OR5D13: variants seen among roughly 807,000 people sequenced by gnomAD.
The protein encoded by OR5D13 is olfactory receptor 5D13.
For missense variants in OR5D13, 470 were observed against 372.1 expected (o/e 1.26, Z -2.16); for synonymous variants, 192 against 134.3 (o/e 1.43, Z -2.97).
rs762039488 is a variant in OR5D13 at position 55,773,879 on chromosome 11, G to T, written c.442G>T (p.Ala148Ser). The stretch of plus-strand genomic sequence containing the variant: ...TCAGAAGCTCTGTGCTCTTCTGGTG[G>T]CTGGGTCCTATACATGGGGGATAGT... ...MSQKLCALLV[A>S]GSYTWGIVCS... The change falls in exon 1 of 1, where the codon GCT becomes TCT. Residue 148 changes from alanine to serine, a missense_variant. By Grantham distance (99) the Ala-to-Ser change is moderately conservative (BLOSUM62 1). Coordinates refer to ENST00000623930, the MANE Select transcript of OR5D13 (RefSeq NM_001001967.1). The T allele has an allele frequency of 5.0e-6, 8 of 1,613,724 alleles. No individual in the cohort carries two copies. Among genetic ancestry groups the T allele is most frequent in the South Asian group, 2.2e-5 (2 of 91,074 alleles).
rs775106926 is a variant in OR5D13 at position 55,774,026 on chromosome 11, A to G, written c.589A>G (p.Ser197Gly). Residue 197 changes from serine to glycine, a missense_variant, in exon 1 of 1, where the codon AGC becomes GGC. Coordinates refer to ENST00000623930, the MANE Select transcript of OR5D13 (RefSeq NM_001001967.1). ...TGCCTCCTACTCAGACCCCTATATC[A>G]GCCAGAGGCTATGCTTTATTATTGC... Reference protein sequence around the residue: ...VSASYSDPYISQRLCFIIAIF... With the variant: ...VSASYSDPYIGQRLCFIIAIF... 2 of 1,613,504 alleles carry G rather than the reference A, an allele frequency of 1.2e-6. No individual in the cohort carries two copies. The highest frequency in any genetic ancestry group is 2.2e-5 in the South Asian group (2 of 91,080).
At position 55,773,664 on chromosome 11, in the gene OR5D13, C is replaced by T. The variant is rs867480738; in HGVS notation, c.227C>T (p.Ser76Phe). The change falls in exon 1 of 1, where the codon TCC becomes TTC. Residue 76 changes from serine (S) to phenylalanine (F), a missense_variant. Transcript: ENST00000623930. ...SHLSLTDFCF[S>F]TVVTPKLLEN... ...TTGTCCTTGACAGACTTCTGTTTTT[C>T]CACTGTAGTTACACCTAAACTGTTG... The T allele has an allele frequency of 6.2e-7, 1 of 1,613,176 alleles. No individual in the cohort carries two copies. Among genetic ancestry groups the T allele is most frequent in the South Asian group, 1.1e-5 (1 of 91,052 alleles).
chr11:55,773,690 G>C lies in OR5D13; in HGVS notation c.253G>C (p.Glu85Gln), dbSNP rs1290933126. Residue 85 changes from glutamate to glutamine, a missense_variant, in exon 1 of 1, where the codon GAG becomes CAG. By Grantham distance (29) the Glu-to-Gln change is conservative. Transcript: ENST00000623930. ...CACTGTAGTTACACCTAAACTGTTG[G>C]AGAACTTGGTTGTGGAATACAGAAC... ...FSTVVTPKLL[E>Q]NLVVEYRTIS... 1 of 1,613,796 alleles carries C rather than the reference G, an allele frequency of 6.2e-7. No homozygotes were observed. Among genetic ancestry groups the C allele is most frequent in the African/African-American group, 1.3e-5 (1 of 74,874 alleles).
rs1455286933 is a variant in OR5D13 at position 55,774,243 on chromosome 11, C to T, written c.806C>T (p.Ser269Phe). The T allele has an allele frequency of 1.2e-6, 2 of 1,613,816 alleles. No individual in the cohort carries two copies. The highest frequency in any genetic ancestry group is 1.7e-6 in the Non-Finnish European group (2 of 1,179,928). The change falls in exon 1 of 1, where the codon TCT (serine) becomes TTT (phenylalanine). Residue 269 changes from serine (S) to phenylalanine (F), a missense_variant. Physicochemically the swap from Ser to Phe is radical, Grantham distance 155. Coordinates refer to ENST00000623930, the MANE Select transcript of OR5D13 (RefSeq NM_001001967.1). ...FLYCVPNPKT[S>F]SLIVTVASVF... ...TACTGTGTTCCTAATCCTAAAACTT[C>T]TAGCCTCATAGTTACAGTGGCTTCT...
chr11:55,773,624 T>C lies in OR5D13; in HGVS notation c.187T>C (p.Phe63Leu). 1 of 1,613,228 alleles carries C rather than the reference T, an allele frequency of 6.2e-7. No individual in the cohort carries two copies. ...TTCAAAACTCCATACAATCATGTGCTTTTTCCTTAGTCACTTGTCCTTGAC... is the reference window on the plus strand; with the variant it reads ...TTCAAAACTCCATACAATCATGTGCCTTTTCCTTAGTCACTTGTCCTTGAC... The part of the protein sequence containing the change: ...LNSKLHTIMC[F>L]FLSHLSLTDF... The change falls in exon 1 of 1, where the codon TTT (phenylalanine) becomes CTT (leucine). Residue 63 changes from phenylalanine to leucine, a missense_variant. Phe to Leu is a conservative substitution (Grantham distance 22). Coordinates refer to ENST00000623930, the MANE Select transcript of OR5D13 (RefSeq NM_001001967.1).
chr11:55,773,957 A>G lies in OR5D13; in HGVS notation c.520A>G (p.Thr174Ala), dbSNP rs1490003612. The change falls in exon 1 of 1, where the codon ACC becomes GCC. Residue 174 changes from threonine (T) to alanine (A), a missense_variant. Transcript: ENST00000623930. ...TCTTGACTTATCGTTTTGTGAATCT[A>G]CCTTCATAAATAATTTTATCTGTGA... ...FLLDLSFCES[T>A]FINNFICDHS... The G allele has an allele frequency of 1.2e-6, 2 of 1,613,496 alleles. No individual in the cohort carries two copies. The highest frequency in any genetic ancestry group is 2.2e-5 in the East Asian group (1 of 44,856).
At position 55,773,865 on chromosome 11, in the gene OR5D13, G is replaced by C; in HGVS notation, c.428G>C (p.Cys143Ser). 6.2e-7 allele frequency: 1 copy of C among 1,613,846 alleles called. No homozygotes were observed. Among genetic ancestry groups the C allele is most frequent in the South Asian group, 1.1e-5 (1 of 91,080 alleles). ...ACCACTATTATGTCTCAGAAGCTCT[G>C]TGCTCTTCTGGTGGCTGGGTCCTAT... The part of the protein sequence containing the change: ...LYTTIMSQKL[C>S]ALLVAGSYTW... The change falls in exon 1 of 1, where the codon TGT becomes TCT. Residue 143 changes from cysteine to serine, a missense_variant. Physicochemically the swap from Cys to Ser is moderately radical, Grantham distance 112. Transcript: ENST00000623930.
Position 55,774,226 on chromosome 11 carries a change from T to C in OR5D13, c.789T>C (p.Val263=), listed in dbSNP as rs1292335821. Residue 263 remains valine (V), a synonymous_variant, in exon 1 of 1, where the codon GTT becomes GTC. Coordinates refer to ENST00000623930, the MANE Select transcript of OR5D13 (RefSeq NM_001001967.1). ...FHGTILFLYC[V]PNPKTSSLIV... Reference sequence around the variant, plus strand: ...GAACTATCCTTTTCCTTTACTGTGTTCCTAATCCTAAAACTTCTAGCCTCA... The same window carrying C: ...GAACTATCCTTTTCCTTTACTGTGTCCCTAATCCTAAAACTTCTAGCCTCA... 2.5e-6 allele frequency: 4 copies of C among 1,613,776 alleles called. No homozygotes were observed. The highest frequency in any genetic ancestry group is 3.4e-6 in the Non-Finnish European group (4 of 1,179,984).
rs192984177 is a variant in OR5D13 at position 55,774,142 on chromosome 11, G to A, written c.705G>A (p.Gly235=). The A allele has an allele frequency of 5.6e-6, 9 of 1,613,608 alleles. No individual in the cohort carries two copies. The highest frequency in any genetic ancestry group is 7.6e-6 in the Non-Finnish European group (9 of 1,179,898). Residue 235 remains glycine, a synonymous_variant, in exon 1 of 1, where the codon GGG becomes GGA. Coordinates refer to ENST00000623930, the MANE Select transcript of OR5D13 (RefSeq NM_001001967.1). The part of the protein sequence containing the change: ...TTIMKMRSAS[G]RQKTFSTCAS... Reference sequence around the variant, plus strand: ...TTATGAAGATGCGATCTGCAAGTGGGCGCCAGAAAACTTTCTCCACCTGTG... The same window carrying A: ...TTATGAAGATGCGATCTGCAAGTGGACGCCAGAAAACTTTCTCCACCTGTG...
chr11:55,773,677 A>G lies in OR5D13; in HGVS notation c.240A>G (p.Thr80=), dbSNP rs1486158229. Residue 80 remains threonine, a synonymous_variant, in exon 1 of 1, where the codon ACA becomes ACG. Coordinates refer to ENST00000623930, the MANE Select transcript of OR5D13 (RefSeq NM_001001967.1). Reference sequence around the variant, plus strand: ...ACTTCTGTTTTTCCACTGTAGTTACACCTAAACTGTTGGAGAACTTGGTTG... The same window carrying G: ...ACTTCTGTTTTTCCACTGTAGTTACGCCTAAACTGTTGGAGAACTTGGTTG... ...LTDFCFSTVV[T]PKLLENLVVE... 6.2e-7 allele frequency: 1 copy of G among 1,613,486 alleles called. No individual in the cohort carries two copies. The highest frequency in any genetic ancestry group is 1.7e-5 in the Admixed American group (1 of 59,946).
At position 55,774,269 on chromosome 11, in the gene OR5D13, G is replaced by A. The variant is rs747604604; in HGVS notation, c.832G>A (p.Val278Met). The A allele has an allele frequency of 5.0e-6, 8 of 1,613,242 alleles. No individual in the cohort carries two copies. In the Admixed American group the frequency reaches 1.3e-4, roughly 27 times the overall value. ...TAGCCTCATAGTTACAGTGGCTTCT[G>A]TGTTTTACACAGTGGCGATTCCAAT... ...TSSLIVTVAS[V>M]FYTVAIPMLN... The change falls in exon 1 of 1, where the codon GTG becomes ATG. Residue 278 changes from valine (V) to methionine (M), a missense_variant. Val to Met is a conservative substitution (Grantham distance 21). Transcript: ENST00000623930.
chr11:55,773,747 T>A lies in OR5D13; in HGVS notation c.310T>A (p.Cys104Ser), dbSNP rs374592986. The stretch of plus-strand genomic sequence containing the variant: ...TTTCTCTGGTTGCATCATGCAATTT[T>A]GTTTTGCTTGCATTTTTGGAGTGAC... ...ISFSGCIMQFCFACIFGVTET... is the reference protein window; with the variant it reads ...ISFSGCIMQFSFACIFGVTET... Residue 104 changes from cysteine to serine, a missense_variant, in exon 1 of 1, where the codon TGT becomes AGT. Cys to Ser is a moderately radical substitution (Grantham distance 112). Coordinates refer to ENST00000623930, the MANE Select transcript of OR5D13 (RefSeq NM_001001967.1). 8.1e-6 allele frequency: 13 copies of A among 1,614,010 alleles called. No individual in the cohort carries two copies. Among genetic ancestry groups the A allele is most frequent in the Non-Finnish European group, 1.1e-5 (13 of 1,180,012 alleles).
rs991150579 is a variant in OR5D13, at chr11:55,774,208, C to T, written c.771C>T (p.Ile257=). 2 of 1,613,926 alleles carry T rather than the reference C, an allele frequency of 1.2e-6. No individual in the cohort carries two copies. Among genetic ancestry groups the T allele is most frequent in the African/African-American group, 1.3e-5 (1 of 74,928 alleles). The stretch of plus-strand genomic sequence containing the variant: ...CCATCACTATCTTCCATGGAACTAT[C>T]CTTTTCCTTTACTGTGTTCCTAATC... ...LTAITIFHGT[I]LFLYCVPNPK... is the part of the protein sequence containing the mutation. Residue 257 remains isoleucine, a synonymous_variant, in exon 1 of 1, where the codon ATC becomes ATT. Coordinates refer to ENST00000623930, the MANE Select transcript of OR5D13 (RefSeq NM_001001967.1).
rs769979049 is a variant in OR5D13, at chr11:55,773,964, T to A, written c.527T>A (p.Ile176Lys). 1.2e-6 allele frequency: 2 copies of A among 1,613,520 alleles called. No homozygotes were observed. Among genetic ancestry groups the A allele is most frequent in the Admixed American group, 1.7e-5 (1 of 59,946 alleles). Residue 176 changes from isoleucine (I) to lysine (K), a missense_variant, in exon 1 of 1, where the codon ATA (isoleucine) becomes AAA (lysine). Transcript: ENST00000623930. ...TTATCGTTTTGTGAATCTACCTTCA[T>A]AAATAATTTTATCTGTGACCACTCT... ...LDLSFCESTF[I>K]NNFICDHSVI...
chr11:55,773,637 A>G lies in OR5D13; in HGVS notation c.200A>G (p.His67Arg). 1.2e-6 allele frequency: 2 copies of G among 1,613,242 alleles called. No homozygotes were observed. The highest frequency in any genetic ancestry group is 1.7e-6 in the Non-Finnish European group (2 of 1,179,584). The change falls in exon 1 of 1, where the codon CAC becomes CGC. Residue 67 changes from histidine (H) to arginine (R), a missense_variant. Transcript: ENST00000623930. The stretch of plus-strand genomic sequence containing the variant: ...ACAATCATGTGCTTTTTCCTTAGTC[A>G]CTTGTCCTTGACAGACTTCTGTTTT... ...LHTIMCFFLS[H>R]LSLTDFCFST... is the part of the protein sequence containing the mutation.
chr11:55,774,159 C>G lies in OR5D13; in HGVS notation c.722C>G (p.Ser241Cys). The G allele has an allele frequency of 6.2e-7, 1 of 1,613,652 alleles. No homozygotes were observed. Among genetic ancestry groups the G allele is most frequent in the Non-Finnish European group, 8.5e-7 (1 of 1,179,894 alleles). The change falls in exon 1 of 1, where the codon TCC becomes TGC. Residue 241 changes from serine to cysteine, a missense_variant. By Grantham distance (112) the Ser-to-Cys change is moderately radical (BLOSUM62 -1). Coordinates refer to ENST00000623930, the MANE Select transcript of OR5D13 (RefSeq NM_001001967.1). The part of the protein sequence containing the change: ...RSASGRQKTF[S>C]TCASHLTAIT... ...GCAAGTGGGCGCCAGAAAACTTTCT[C>G]CACCTGTGCCTCCCACCTGACAGCC...
Position 55,773,860 on chromosome 11 carries a change from G to C in OR5D13, c.423G>C (p.Lys141Asn). 6.2e-7 allele frequency: 1 copy of C among 1,613,896 alleles called. No individual in the cohort carries two copies. The highest frequency in any genetic ancestry group is 8.5e-7 in the Non-Finnish European group (1 of 1,179,978). Reference protein sequence around the residue: ...PLLYTTIMSQKLCALLVAGSY... With the variant: ...PLLYTTIMSQNLCALLVAGSY... Reference sequence around the variant, plus strand: ...TGTATACCACTATTATGTCTCAGAAGCTCTGTGCTCTTCTGGTGGCTGGGT... The same window carrying C: ...TGTATACCACTATTATGTCTCAGAACCTCTGTGCTCTTCTGGTGGCTGGGT... The change falls in exon 1 of 1, where the codon AAG (lysine) becomes AAC (asparagine). Residue 141 changes from lysine to asparagine, a missense_variant. Lys to Asn is a moderately conservative substitution (Grantham distance 94, BLOSUM62 0). Transcript: ENST00000623930.
rs761201512 is a variant in OR5D13 at position 55,774,188 on chromosome 11, A to G, written c.751A>G (p.Thr251Ala). 1 of 1,613,862 alleles carries G rather than the reference A, an allele frequency of 6.2e-7. No homozygotes were observed. Among genetic ancestry groups the G allele is most frequent in the Non-Finnish European group, 8.5e-7 (1 of 1,179,980 alleles). The change falls in exon 1 of 1, where the codon ACT (threonine) becomes GCT (alanine). Residue 251 changes from threonine to alanine, a missense_variant. Transcript: ENST00000623930. ...STCASHLTAI[T>A]IFHGTILFLY... ...CTGTGCCTCCCACCTGACAGCCATC[A>G]CTATCTTCCATGGAACTATCCTTTT...
chr11:55,774,270 T>C lies in OR5D13; in HGVS notation c.833T>C (p.Val278Ala). The change falls in exon 1 of 1, where the codon GTG becomes GCG. Residue 278 changes from valine to alanine, a missense_variant. Val to Ala is a moderately conservative substitution (Grantham distance 64). Coordinates refer to ENST00000623930, the MANE Select transcript of OR5D13 (RefSeq NM_001001967.1). ...AGCCTCATAGTTACAGTGGCTTCTG[T>C]GTTTTACACAGTGGCGATTCCAATG... ...TSSLIVTVAS[V>A]FYTVAIPMLN... is the part of the protein sequence containing the mutation. 6.2e-7 allele frequency: 1 copy of C among 1,613,500 alleles called. No homozygotes were observed. Among genetic ancestry groups the C allele is most frequent in the Non-Finnish European group, 8.5e-7 (1 of 1,179,708 alleles).
Sources: allele counts gnomAD v4.1 joint callset, GRCh38; gene constraint gnomAD v4.1.1; transcripts MANE v1.5; gene names NCBI Gene and HGNC (gene_info 2026-07-23, HGNC 2026-07-21).